ADGRL3: variants seen among roughly 807,000 people sequenced by gnomAD.
ADGRL3 encodes calcium-independent alpha-latrotoxin receptor 3.
In ADGRL3, 62 loss-of-function variants were observed where a neutral mutation model predicts 153.5. The observed-to-expected ratio is 0.40, with a 90% CI of 0.33 to 0.50. ADGRL3 has a LOEUF of 0.50. Among genes scored for constraint, ADGRL3 ranks in the 20% least tolerant of loss-of-function variants. The pLI is 0.47. For synonymous variants in ADGRL3, 710 were observed against 672.5 expected, an observed-to-expected ratio of 1.06 and a Z score of -0.86; for missense variants, 1,641 against 1,859.4, an observed-to-expected ratio of 0.88 and a Z score of 2.16.
intron 2 of ADGRL3, among the ~76,000 whole-genome samples, chr4:61,489,855 A>G (rs1579145147): frequency 6.6e-6 from 1 of 152,050 alleles, no homozygotes; most frequent in East Asian, 1.9e-4. Context: ...TGCTGTAAAT[A>G]TTTACCCCCA....
intron 9 of ADGRL3, among the ~76,000 whole-genome samples, chr4:61,822,032 C>A (rs996972314): frequency 3.3e-5 from 5 of 152,112 alleles, no homozygotes; most frequent in African/African-American, 1.2e-4. Context: ...AGTCTGCAGG[C>A]CAGTTCTCTA....
Position 61,979,790 on chromosome 4 carries a change from A to G in ADGRL3, c.3015+18A>G, listed in dbSNP as rs1297544477. The stretch of plus-strand genomic sequence containing the variant: ...ACCAACCAGTAAGCAACCTACATTG[A>G]TACCAGTGAAGAATTTTTCCACTTC... On this transcript the variant is annotated intron_variant, in intron 18 of 26. Coordinates refer to ENST00000683033, the MANE Select transcript of ADGRL3 (RefSeq NM_001387552.1). 2 of 1,599,666 alleles carry G rather than the reference A, an allele frequency of 1.3e-6. No individual in the cohort carries two copies. Among genetic ancestry groups the G allele is most frequent in the Non-Finnish European group, 1.7e-6 (2 of 1,168,240 alleles).
At chr4:61,231,249 T>C (rs945496001) in intron 1 of ADGRL3, among the ~76,000 whole-genome samples, 2 of 152,196 alleles carry the variant, frequency 1.3e-5, no homozygotes, top group Admixed American at 1.3e-4. Context: ...TTTATTTTTT[T>C]GGATTTAGCA....
intron 2 of ADGRL3, among the ~76,000 whole-genome samples, chr4:61,482,826 A>G (rs1041895769): frequency 6.6e-6 from 1 of 152,172 alleles, no homozygotes; most frequent in South Asian, 2.1e-4. Flanking sequence ...CTATTTTGCA[A>G]GTTTTCTGTA....
chr4:61,746,354 G>T (rs906733876), intron 8 of ADGRL3, among the ~76,000 whole-genome samples: 4 of 151,920 alleles, frequency 2.6e-5, no homozygotes, highest in African/African-American at 9.7e-5. Context: ...GCACCAAGCG[G>T]ACCTAATACC....
intron 1 of ADGRL3, among the ~76,000 whole-genome samples, chr4:61,211,212 T>C (rs188706225): frequency 1.3e-3 from 201 of 152,308 alleles, no homozygotes; most frequent in Non-Finnish European, 2.2e-3. Flanking sequence ...ATTGGGAAGT[T>C]ATTGTGTTTC....
chr4:62,060,226 AT>A (rs1308248206), intron 25 of ADGRL3, among the ~76,000 whole-genome samples: 6 of 151,958 alleles, frequency 3.9e-5, no homozygotes, highest in Non-Finnish European at 7.4e-5. Flanking sequence ...ATAGAAAAAA[AT>A]ATATATGTAT....
intron 2 of ADGRL3, among the ~76,000 whole-genome samples, chr4:61,422,591 T>A (rs2097219394): frequency 6.6e-6 from 1 of 152,116 alleles, no homozygotes; most frequent in African/African-American, 2.4e-5. Context: ...GTCCAACATA[T>A]CTTCCTAAGT....
intron 9 of ADGRL3, among the ~76,000 whole-genome samples, chr4:61,870,666 C>A (rs2098438361): frequency 6.6e-6 from 1 of 152,128 alleles, no homozygotes; most frequent in South Asian, 2.1e-4. Context: ...AGAAGATATA[C>A]AAATGGCCAA....
intron 1 of ADGRL3, among the ~76,000 whole-genome samples, chr4:61,227,678 G>A (rs575049612): frequency 1.8e-4 from 27 of 152,140 alleles, no homozygotes; most frequent in East Asian, 1.2e-3. Flanking sequence ...TAGGGCTTAC[G>A]TTTTCATTTA....
intron 5 of ADGRL3, among the ~76,000 whole-genome samples, chr4:61,643,201 G>A (rs2093775658): frequency 6.6e-6 from 1 of 151,882 alleles, no homozygotes; most frequent in Admixed American, 6.6e-5. Flanking sequence ...GAGACAATGG[G>A]GTTTTCTAGA....
chr4:61,824,605 C>A (rs1396733634), intron 9 of ADGRL3, among the ~76,000 whole-genome samples: 1 of 152,108 alleles, frequency 6.6e-6, no homozygotes, highest in South Asian at 2.1e-4. Context: ...GCTGTTACCA[C>A]CAAAGCCTGA....
intron 17 of ADGRL3, among the ~76,000 whole-genome samples, chr4:61,957,848 A>G (rs2098973359): frequency 6.6e-6 from 1 of 152,060 alleles, no homozygotes; most frequent in African/African-American, 2.4e-5. Flanking sequence ...ATCCTGTAGC[A>G]TCTTTTTATT....
At chr4:61,688,264 A>C (rs2151083683) in intron 6 of ADGRL3, among the ~76,000 whole-genome samples, 1 of 152,252 alleles carries the variant, frequency 6.6e-6, no homozygotes, top group South Asian at 2.1e-4. Flanking sequence ...TAATCTAATT[A>C]TAATTTACAT....
intron 21 of ADGRL3, among the ~76,000 whole-genome samples, chr4:62,021,715 A>G (rs748368015): frequency 2.6e-5 from 4 of 152,054 alleles, no homozygotes; most frequent in Admixed American, 2.6e-4. Flanking sequence ...TTATTATTAT[A>G]TCTGTTAGGG....
intron 2 of ADGRL3, among the ~76,000 whole-genome samples, chr4:61,396,251 A>T (rs2096867171): frequency 1.3e-5 from 2 of 152,068 alleles, no homozygotes; most frequent in South Asian, 4.1e-4. Flanking sequence ...AAAAACCATT[A>T]GATTTTTCTC....
intron 4 of ADGRL3, among the ~76,000 whole-genome samples, chr4:61,526,703 G>C (rs2098563108): frequency 6.6e-6 from 1 of 151,996 alleles, no homozygotes; most frequent in South Asian, 2.1e-4. Flanking sequence ...GTTTGAGGTG[G>C]CAGTGAGCTA....
chr4:61,494,213 A>G (rs573529573), intron 2 of ADGRL3, among the ~76,000 whole-genome samples: 1 of 152,192 alleles, frequency 6.6e-6, no homozygotes, highest in African/African-American at 2.4e-5. Context: ...ATTCATCTAG[A>G]TGGCAGCTCA....
intron 6 of ADGRL3, among the ~76,000 whole-genome samples, chr4:61,683,226 C>A (rs1351396401): frequency 6.6e-6 from 1 of 151,868 alleles, no homozygotes; most frequent in Non-Finnish European, 1.5e-5. Flanking sequence ...AATCCTCCAA[C>A]CTCAGCCTCC....
Sources: allele counts gnomAD v4.1 joint callset (sites outside exome capture counted in the v4.1 genomes callset), GRCh38; gene constraint gnomAD v4.1.1; transcripts MANE v1.5; gene names NCBI Gene and HGNC (gene_info 2026-07-23, HGNC 2026-07-21).